IQSEC3: variants seen among roughly 807,000 people sequenced by gnomAD.
IQSEC3 encodes IQ motif and Sec7 domain ArfGEF 3.
In IQSEC3, 50 loss-of-function variants were observed where a neutral mutation model predicts 105.4. That is an observed-to-expected ratio of 0.47 (90% CI 0.38 to 0.60). The LOEUF (loss-of-function observed/expected upper bound fraction) is 0.60. IQSEC3 is among the 20% of genes least tolerant of loss of function. The pLI, the probability that IQSEC3 is intolerant of heterozygous loss-of-function variation, is 0.00. For synonymous variants in IQSEC3, 708 were observed against 746.0 expected, an observed-to-expected ratio of 0.95 and a Z score of 0.83; for missense variants, 1,415 against 1,630.0, an observed-to-expected ratio of 0.87 and a Z score of 2.27.
Position 138,522 on chromosome 12 carries a change from C to T in IQSEC3, c.1159C>T (p.Leu387=). 1 of 1,579,010 alleles carries T rather than the reference C, an allele frequency of 6.3e-7. No homozygotes were observed. Among genetic ancestry groups the T allele is most frequent in the Non-Finnish European group, 8.6e-7 (1 of 1,169,344 alleles). ...VGLPLVRSPS[L]PPTFAGTLTE... The stretch of plus-strand genomic sequence containing the variant: ...GCTGCCGCTGGTGCGCTCGCCCTCC[C>T]TGCCGCCCACCTTCGCAGGCACCCT... The change falls in exon 4 of 14, where the codon CTG becomes TTG. Residue 387 remains leucine (L), a synonymous_variant. Coordinates refer to ENST00000538872, the MANE Select transcript of IQSEC3 (RefSeq NM_001170738.2). The surrounding 1 kb of genome is among the most constrained non-coding windows in gnomAD (Gnocchi z 7.1).
chr12:155,524 C>A (rs1022361622), intron 5 of IQSEC3, among the ~76,000 whole-genome samples: 5 of 152,214 alleles, frequency 3.3e-5, no homozygotes, highest in African/African-American at 1.2e-4. Context: ...TCCTTGTTCT[C>A]CCCAGAAACC....
chr12:142,372 CTGCG>C (rs1866067091), intron 5 of IQSEC3: 1 of 152,254 alleles, frequency 6.6e-6, no homozygotes. Flanking sequence ...TCCTCTGGGC[CTGCG>C]TTTCCATGCC....
intron 3 of IQSEC3, chr12:137,689 T>C (rs1369827571): frequency 6.6e-6 from 1 of 151,692 alleles, no homozygotes; most frequent in Non-Finnish European, 1.5e-5. Flanking sequence ...GTCTCACTGT[T>C]TTGCCCAGGC....
chr12:107,195 G>A (rs1386980528), intron 2 of IQSEC3, among the ~76,000 whole-genome samples: 1 of 152,124 alleles, frequency 6.6e-6, no homozygotes, highest in Non-Finnish European at 1.5e-5. Flanking sequence ...TTTCTACCAG[G>A]CCAAATCTGG....
intron 5 of IQSEC3, among the ~76,000 whole-genome samples, chr12:150,610 G>A (rs781796504): frequency 3.9e-5 from 6 of 152,204 alleles, no homozygotes; most frequent in Non-Finnish European, 7.3e-5. Flanking sequence ...TAACCATGTC[G>A]ATGCTGCCAA....
At chr12:93,574 G>C (rs754105560) in intron 1 of IQSEC3, among the ~76,000 whole-genome samples, 2 of 152,222 alleles carry the variant, frequency 1.3e-5, no homozygotes, top group Non-Finnish European at 2.9e-5. Context: ...CAGCGTCAGA[G>C]GATGACCTAG....
chr12:78,263 C>T (rs1313060350), intron 1 of IQSEC3, among the ~76,000 whole-genome samples: 2 of 151,878 alleles, frequency 1.3e-5, no homozygotes, highest in Non-Finnish European at 2.9e-5. Context: ...CGCCGCCAGC[C>T]CGGGGAGCAT....
At chr12:100,543 G>A (rs1280556639) in intron 2 of IQSEC3, among the ~76,000 whole-genome samples, 15 of 152,116 alleles carry the variant, frequency 9.9e-5, no homozygotes, top group South Asian at 4.1e-4. Flanking sequence ...AGAAAGAGGC[G>A]GGGCTCTGAG....
intron 6 of IQSEC3, 131 bp downstream of exon 6, chr12:157,278 G>A (rs927429500): frequency 7.6e-7 from 1 of 1,321,726 alleles, no homozygotes; most frequent in Non-Finnish European, 1.0e-6. Context: ...TTCTGGTGTG[G>A]GCAGGAGGAT....
rs781841421 is a variant in IQSEC3 at position 163,624 on chromosome 12, G to A, written c.2709+5G>A. 2 of 1,436,290 alleles carry A rather than the reference G, an allele frequency of 1.4e-6. No homozygotes were observed. The highest frequency in any genetic ancestry group is 2.0e-6 in the Non-Finnish European group (2 of 1,019,060). The allele number at this position is 1,436,290 out of a possible 1,614,324, so 89.0% of individuals were successfully genotyped here. ...CTCTTCAATGACCTGCTGGTGGTGA[G>A]TGGCCTCCGCTCCGGGACTGGGCTG... is the stretch of plus-strand genomic sequence containing the variant. On this transcript the variant is annotated splice_donor_5th_base_variant and intron_variant, in intron 9 of 13. Transcript: ENST00000538872.
intron 13 of IQSEC3, among the ~76,000 whole-genome samples, chr12:172,565 C>T (rs992177389): frequency 1.3e-5 from 2 of 152,206 alleles, no homozygotes; most frequent in African/African-American, 4.8e-5. Flanking sequence ...TGCTCTCCCA[C>T]GCAGAGGGCA....
chr12:169,448 G>A (rs782514232), intron 12 of IQSEC3, among the ~76,000 whole-genome samples: 2 of 152,120 alleles, frequency 1.3e-5, no homozygotes, highest in Admixed American at 6.5e-5. Flanking sequence ...TGGACGAGGC[G>A]AGGTCAAGAG....
intron 13 of IQSEC3, among the ~76,000 whole-genome samples, chr12:172,227 C>T (rs1362377899): frequency 6.6e-6 from 1 of 151,680 alleles, no homozygotes; most frequent in African/African-American, 2.4e-5. Flanking sequence ...CCCCATGGCC[C>T]CCCACCCCCC....
intron 2 of IQSEC3, among the ~76,000 whole-genome samples, chr12:121,829 G>A (rs149995144): frequency 5.3e-5 from 8 of 152,300 alleles, no homozygotes; most frequent in Non-Finnish European, 1.2e-4. Context: ...GGTCTACTGT[G>A]TTCCGGGCGC....
At chr12:157,729 G>C in intron 7 of IQSEC3, 35 bp downstream of exon 7, 4 of 1,593,542 alleles carry the variant, frequency 2.5e-6, no homozygotes, top group Non-Finnish European at 3.4e-6. Flanking sequence ...GAGGGGCAAG[G>C]CCACGGCTCA....
chr12:92,991 T>C (rs1864136968), intron 1 of IQSEC3, among the ~76,000 whole-genome samples: 1 of 152,202 alleles, frequency 6.6e-6, no homozygotes, highest in Non-Finnish European at 1.5e-5. Flanking sequence ...AAGGGCTGGG[T>C]CAGGAAGGTG....
chr12:100,277 C>T (rs11064176), intron 2 of IQSEC3, among the ~76,000 whole-genome samples: 6 of 152,130 alleles, frequency 3.9e-5, no homozygotes, highest in Non-Finnish European at 5.9e-5. Context: ...GAGTAAGGGT[C>T]GGAGGACCCA....
Position 141,118 on chromosome 12 carries a change from C to A in IQSEC3, c.1992-6C>A. The A allele has an allele frequency of 6.3e-7, 1 of 1,585,786 alleles. No homozygotes were observed. The highest frequency in any genetic ancestry group is 8.6e-7 in the Non-Finnish European group (1 of 1,158,072). ...CTCTACTGCTTCTCCCCACCCCCAC[C>A]TCCAGAAACCCCGACAAGGGCATCC... On this transcript the variant is annotated splice_polypyrimidine_tract_variant and splice_region_variant and intron_variant, in intron 4 of 13. Transcript: ENST00000538872.
At chr12:162,810 C>A (rs145887853) in intron 8 of IQSEC3, among the ~76,000 whole-genome samples, 40 of 152,270 alleles carry the variant, frequency 2.6e-4, no homozygotes, top group African/African-American at 9.6e-4. Context: ...CCTTCGCTCT[C>A]GCACACCTGC....
Sources: allele counts gnomAD v4.1 joint callset (sites outside exome capture counted in the v4.1 genomes callset), GRCh38; gene constraint gnomAD v4.1.1; non-coding constraint Gnocchi (gnomAD v3.1); transcripts MANE v1.5; gene names NCBI Gene and HGNC (gene_info 2026-07-23, HGNC 2026-07-21).